Variants in ZMAT4 observed in about 807,000 individuals in gnomAD.
The protein encoded by ZMAT4 is zinc finger matrin-type protein 4.
ZMAT4 carries 17 observed loss-of-function variants against 28.7 expected under a neutral mutation model. The ratio of observed to expected loss-of-function variants is 0.59; its 90% CI spans 0.41 to 0.89. ZMAT4 has a LOEUF of 0.89. ZMAT4 is among the 40% of genes least tolerant of loss of function. The pLI is 0.00. For missense variants in ZMAT4, 240 were observed against 283.8 expected, an observed-to-expected ratio of 0.85 and a Z score of 1.11; for synonymous variants, 117 against 109.2, an observed-to-expected ratio of 1.07 and a Z score of -0.44.
chr8:40,627,007 A>C (rs1022453023), intron 5 of ZMAT4, among the ~76,000 whole-genome samples: 1 of 152,168 alleles, frequency 6.6e-6, no homozygotes, highest in Admixed American at 6.5e-5. Flanking sequence ...CACGCCCTTT[A>C]TGGGTCTCCC....
chr8:40,774,747 AC>A (rs1358306198), intron 2 of ZMAT4, among the ~76,000 whole-genome samples: 7 of 151,646 alleles, frequency 4.6e-5, no homozygotes, highest in Middle Eastern at 3.4e-3. Flanking sequence ...TTAAACAAAA[AC>A]GTATATGCAT....
Position 40,776,921 on chromosome 8 carries a change from C to A in ZMAT4, c.103-9191G>T, listed in dbSNP as rs551480285. ...GGACTAGTGTGATAGCCACCGATTT[C>A]TTTCTTTTTTTTTTTTTTGTAAAGT... On this transcript the variant is annotated intron_variant, in intron 2 of 6. Coordinates refer to ENST00000297737, the MANE Select transcript of ZMAT4 (RefSeq NM_024645.3). Among the ~76,000 whole-genome samples the A allele has an allele frequency of 6.4e-4, 77 of 121,152 alleles. 1 individual carries two copies. In the South Asian group the frequency reaches 0.019, roughly 30 times the overall value. 79.5% of individuals were successfully genotyped at this position (121,152 alleles called of 152,430 possible).
At chr8:40,762,369 A>G (rs1244688188) in intron 3 of ZMAT4, among the ~76,000 whole-genome samples, 2 of 152,164 alleles carry the variant, frequency 1.3e-5, no homozygotes, top group Non-Finnish European at 2.9e-5. Flanking sequence ...CACACAGAGA[A>G]GAAGGCCAGG....
chr8:40,802,649 A>G (rs1332709646), intron 2 of ZMAT4, among the ~76,000 whole-genome samples: 1 of 152,182 alleles, frequency 6.6e-6, no homozygotes, highest in Non-Finnish European at 1.5e-5. Context: ...AATTTATTCT[A>G]TAGATTCAAT....
intron 6 of ZMAT4, among the ~76,000 whole-genome samples, chr8:40,567,129 C>A (rs7012071): frequency 0.1 from 15,420 of 152,008 alleles, 1,364 homozygotes; most frequent in African/African-American, 0.24. Context: ...ACAATAGCAC[C>A]AGAGGCCGTA....
chr8:40,615,659 C>T lies in ZMAT4; in HGVS notation c.578-34398G>A, dbSNP rs112371060. Among the ~76,000 whole-genome samples, 610 of 152,280 alleles carry T rather than the reference C, an allele frequency of 4.0e-3. 3 individuals are homozygous for T. The highest frequency in any genetic ancestry group is 0.014 in the African/African-American group (579 of 41,544). On this transcript the variant is annotated intron_variant, in intron 5 of 6. Coordinates refer to ENST00000297737, the MANE Select transcript of ZMAT4 (RefSeq NM_024645.3). ...CTTTTTTTCTCTAAACTTCTCTTCTCGCTTCATTTCATTCATTTGATCTTC... is the reference window on the plus strand; with the variant it reads ...CTTTTTTTCTCTAAACTTCTCTTCTTGCTTCATTTCATTCATTTGATCTTC...
At chr8:40,602,284 G>T (rs1214438581) in intron 5 of ZMAT4, among the ~76,000 whole-genome samples, 3 of 152,198 alleles carry the variant, frequency 2.0e-5, no homozygotes, top group African/African-American at 7.2e-5. Context: ...ACTTGGGCTG[G>T]TTCCGTATTT....
At position 40,531,742 on chromosome 8, in the gene ZMAT4, A is replaced by C. The variant is rs956609989; in HGVS notation, c.*481T>G. 3.3e-5 allele frequency: 5 copies of C among 152,960 alleles called. No homozygotes were observed. Among genetic ancestry groups the C allele is most frequent in the Non-Finnish European group, 7.3e-5 (5 of 68,270 alleles). 9.5% of individuals were successfully genotyped at this position (152,960 alleles called of 1,614,324 possible). A position where few individuals can be genotyped will look rare whatever the true frequency, so the allele number is the denominator to read the frequency against. On this transcript the variant is annotated 3_prime_UTR_variant, in exon 7 of 7. Coordinates refer to ENST00000297737, the MANE Select transcript of ZMAT4 (RefSeq NM_024645.3). ...ATTTGTCCATTTGGTATTTTCCACT[A>C]ATAGTGATCTGTTCCAGTTCTGTGC...
chr8:40,867,533 G>A (rs1449499892), intron 1 of ZMAT4, among the ~76,000 whole-genome samples: 4 of 152,178 alleles, frequency 2.6e-5, no homozygotes, highest in South Asian at 2.1e-4. Context: ...CTGCCTCTTC[G>A]TCCAAACCAT....
intron 4 of ZMAT4, among the ~76,000 whole-genome samples, chr8:40,688,525 T>C (rs1002333892): frequency 1.3e-5 from 2 of 152,048 alleles, no homozygotes; most frequent in Middle Eastern, 3.2e-3. Context: ...AATCTCCCAT[T>C]TGCAATTCAT....
At chr8:40,777,790 T>C (rs576585058) in intron 2 of ZMAT4, among the ~76,000 whole-genome samples, 5 of 152,332 alleles carry the variant, frequency 3.3e-5, no homozygotes, top group African/African-American at 4.8e-5. Flanking sequence ...ACAACCCCAA[T>C]AAGGTCAACA....
At chr8:40,841,621 G>C (rs922154068) in intron 1 of ZMAT4, among the ~76,000 whole-genome samples, 5 of 152,162 alleles carry the variant, frequency 3.3e-5, no homozygotes, top group African/African-American at 1.2e-4. Flanking sequence ...TGCTGTGCTT[G>C]GCTGCCTGCT....
chr8:40,793,332 A>G (rs1403004670), intron 2 of ZMAT4, among the ~76,000 whole-genome samples: 1 of 152,256 alleles, frequency 6.6e-6, no homozygotes, highest in African/African-American at 2.4e-5. Flanking sequence ...CCAGGTAAGA[A>G]GACTGAAGGA....
At chr8:40,858,832 AT>A (rs1226817138) in intron 1 of ZMAT4, among the ~76,000 whole-genome samples, 1 of 152,120 alleles carries the variant, frequency 6.6e-6, no homozygotes, top group East Asian at 1.9e-4. Flanking sequence ...ACATGATCAA[AT>A]ACAGGAAATC....
intron 6 of ZMAT4, among the ~76,000 whole-genome samples, chr8:40,577,845 AGT>A (rs1325283332): frequency 2.0e-5 from 3 of 151,928 alleles, no homozygotes; most frequent in Non-Finnish European, 1.5e-5. Flanking sequence ...AATTTATTCT[AGT>A]ATCCCAAAAC....
chr8:40,756,457 T>TATATATATATATAC (rs1278110013), intron 3 of ZMAT4, among the ~76,000 whole-genome samples: 11 of 113,296 alleles, frequency 9.7e-5, no homozygotes, highest in African/African-American at 3.0e-4. Context: ...TATATATATA[T>TATATATATATATAC]ACACACTTGT....
chr8:40,670,907 A>C (rs1440620099), intron 5 of ZMAT4, among the ~76,000 whole-genome samples: 1 of 152,056 alleles, frequency 6.6e-6, no homozygotes, highest in Non-Finnish European at 1.5e-5. Flanking sequence ...TCTCTACTAA[A>C]AATACGAAAA....
At chr8:40,610,233 T>C (rs1409710314) in intron 5 of ZMAT4, among the ~76,000 whole-genome samples, 1 of 152,222 alleles carries the variant, frequency 6.6e-6, no homozygotes. Flanking sequence ...AGATAAATCA[T>C]TTGTAGAGAC....
rs1017676807 is a variant in ZMAT4 at position 40,823,641 on chromosome 8, A to G, written c.102+1934T>C. Among the ~76,000 whole-genome samples the G allele has an allele frequency of 7.9e-5, 12 of 152,000 alleles. No homozygotes were observed. In the East Asian group the frequency reaches 1.4e-3, roughly 17 times the overall value. On this transcript the variant is annotated intron_variant, in intron 2 of 6. Transcript: ENST00000297737. ...GCCACCACACTCCAGCCTGGGTGAC[A>G]GAGTGAGACTCCATCACACACAAAT...
Sources: gnomAD v4.1 joint callset for allele counts (sites outside exome capture counted in the v4.1 genomes callset) on GRCh38, gnomAD v4.1.1 for gene constraint, MANE v1.5 for transcripts, NCBI Gene and HGNC (gene_info 2026-07-23, HGNC 2026-07-21) for gene names.